CASP8: variants seen among roughly 807,000 people sequenced by gnomAD.
CASP8 encodes the protein caspase-8.
In CASP8, 24 loss-of-function variants were observed where a neutral mutation model predicts 46.3. The ratio of observed to expected loss-of-function variants is 0.52; its 90% CI spans 0.38 to 0.73. CASP8 has a LOEUF of 0.73. Ranked by LOEUF, CASP8 falls within the 30% of genes least tolerant of loss-of-function variation. CASP8 has a pLI of 0.00. For synonymous variants in CASP8, 188 were observed against 200.4 expected (o/e 0.94, Z 0.52); for missense variants, 460 against 559.0 (o/e 0.82, Z 1.79).
intron 2 of CASP8, among the ~76,000 whole-genome samples, chr2:201,243,614 C>T (rs1321514915): frequency 6.6e-6 from 1 of 152,152 alleles, no homozygotes; most frequent in Non-Finnish European, 1.5e-5. Flanking sequence ...ATAAAAATAC[C>T]TACCAGATGC....
chr2:201,246,004 A>AT (rs1478642062), intron 2 of CASP8, among the ~76,000 whole-genome samples: 1 of 151,206 alleles, frequency 6.6e-6, no homozygotes, highest in Non-Finnish European at 1.5e-5. Context: ...AGTAGCTGGG[A>AT]TTACAGGCAT....
chr2:201,252,551 G>A (rs1002179618), intron 2 of CASP8, among the ~76,000 whole-genome samples: 9 of 152,224 alleles, frequency 5.9e-5, no homozygotes, highest in Non-Finnish European at 1.2e-4. Context: ...TTCTTTGTAC[G>A]CTTTTGGGTA....
At chr2:201,280,257 G>A (rs1222928072) in intron 7 of CASP8, among the ~76,000 whole-genome samples, 1 of 152,042 alleles carries the variant, frequency 6.6e-6, no homozygotes, top group Non-Finnish European at 1.5e-5. Flanking sequence ...ATAGAAAATA[G>A]GAGTGAAAGA....
chr2:201,264,432 T>C (rs571524032), intron 1 of CASP8, among the ~76,000 whole-genome samples: 2 of 152,046 alleles, frequency 1.3e-5, no homozygotes, highest in African/African-American at 4.8e-5. Context: ...GGGGTCTTGC[T>C]ACCTGGGGTC....
At chr2:201,271,845 G>T (rs550718664) in intron 3 of CASP8, among the ~76,000 whole-genome samples, 2 of 152,226 alleles carry the variant, frequency 1.3e-5, no homozygotes, top group African/African-American at 4.8e-5. Flanking sequence ...GCCGGGAGAA[G>T]GAGGCTGTGC....
chr2:201,239,134 T>C lies in CASP8; in HGVS notation c.-27+5022T>C, dbSNP rs368132837. 1.2e-4 allele frequency among the ~76,000 whole-genome samples: 19 copies of C among 152,364 alleles called. No homozygotes were observed. The East Asian group carries it at 2.9e-3, about 23-fold the overall frequency. ...CAAGGCAGAAGAATTTTTCTTAGTA[T>C]AGAACAAAATGAAAAGTCTCCCATG... On this transcript the variant is annotated intron_variant, in intron 2 of 6. Transcript: ENST00000264274.
At chr2:201,249,158 G>A (rs1457294346) in intron 2 of CASP8, among the ~76,000 whole-genome samples, 1 of 152,164 alleles carries the variant, frequency 6.6e-6, no homozygotes, top group Non-Finnish European at 1.5e-5. Context: ...CTCCCAAAGT[G>A]CTGGGATTAT....
At position 201,244,455 on chromosome 2, in the gene CASP8, G is replaced by A. The variant is rs915872900; in HGVS notation, c.-27+10343G>A. Among the ~76,000 whole-genome samples the A allele has an allele frequency of 2.6e-5, 4 of 152,060 alleles. No homozygotes were observed. The East Asian group carries it at 7.7e-4, about 29-fold the overall frequency. On this transcript the variant is annotated intron_variant, in intron 2 of 6. Coordinates refer to the CASP8 transcript ENST00000264274. ...TACCCTGGCTCATGGGTTCATAGGCGCTCACGTTGGGGGAATTTTCCCCAA... is the reference window on the plus strand; with the variant it reads ...TACCCTGGCTCATGGGTTCATAGGCACTCACGTTGGGGGAATTTTCCCCAA...
At chr2:201,257,377 G>A (rs1284076816), upstream of CASP8, among the ~76,000 whole-genome samples, 1 of 151,796 alleles carries the variant, frequency 6.6e-6, no homozygotes, top group Non-Finnish European at 1.5e-5. Context: ...AGCTACTCGG[G>A]AGGCTGAGGC....
rs1220364541 is a variant in CASP8 at position 201,266,861 on chromosome 2, C to CT, written c.305+78dup. ...TGGACAGCCTCTGAGCTGATTGGGG[C>CT]TTTTTTTTGTGGTACCCTGCCTAGT... On this transcript the variant is annotated intron_variant, in intron 2 of 8. Coordinates refer to ENST00000673742, the MANE Select transcript of CASP8 (RefSeq NM_001372051.1). The surrounding 1 kb of genome is among the most constrained non-coding windows in gnomAD (Gnocchi z 5.7). 1.0e-4 allele frequency: 124 copies of CT among 1,223,628 alleles called. No individual in the cohort carries two copies. The highest frequency in any genetic ancestry group is 1.2e-4 in the Non-Finnish European group (104 of 868,402). The allele number at this position is 1,223,628 out of a possible 1,614,324, so 75.8% of individuals were successfully genotyped here.
intron 7 of CASP8, among the ~76,000 whole-genome samples, chr2:201,283,293 C>T (rs1949261478): frequency 1.1e-5 from 1 of 87,714 alleles, no homozygotes; most frequent in Non-Finnish European, 2.6e-5. Flanking sequence ...CCCTCCTGGA[C>T]GGGGCGACTG....
intron 2 of CASP8, among the ~76,000 whole-genome samples, chr2:201,234,669 G>A (rs34514628): frequency 2.0e-5 from 3 of 151,724 alleles, no homozygotes; most frequent in Admixed American, 1.3e-4. Context: ...ATGTTGGCCA[G>A]GCTGGTCTCA....
chr2:201,253,402 T>C (rs916895588), intron 2 of CASP8, among the ~76,000 whole-genome samples: 18 of 151,124 alleles, frequency 1.2e-4, no homozygotes, highest in Non-Finnish European at 1.9e-4. Flanking sequence ...TTCTGAGCTT[T>C]CGTTTCTTCA....
intron 2 of CASP8, among the ~76,000 whole-genome samples, chr2:201,245,431 G>A (rs1408017386): frequency 1.3e-5 from 2 of 152,076 alleles, no homozygotes; most frequent in East Asian, 3.9e-4. Context: ...AGTACAGACA[G>A]GGTTTCACCA....
intron 2 of CASP8, among the ~76,000 whole-genome samples, chr2:201,246,340 G>A (rs1946521056): frequency 1.3e-5 from 2 of 152,154 alleles, no homozygotes; most frequent in African/African-American, 2.4e-5. Flanking sequence ...TTGTGTGATT[G>A]TCTGTTGATT....
At chr2:201,238,231 G>C (rs1023103289) in intron 2 of CASP8, among the ~76,000 whole-genome samples, 1 of 152,216 alleles carries the variant, frequency 6.6e-6, no homozygotes, top group Non-Finnish European at 1.5e-5. Context: ...AGGTGACCCA[G>C]AGAAGCCTTG....
rs1949029543 is a variant in CASP8, at chr2:201,281,767, T to C, written c.803-3049T>C. 6.8e-6 allele frequency: 7 copies of C among 1,023,454 alleles called. No homozygotes were observed. The East Asian group carries it at 2.2e-4, about 32-fold the overall frequency. The allele number at this position is 1,023,454 out of a possible 1,614,324, so 63.4% of individuals were successfully genotyped here. ...AAGCCTAAATGATAGCTTACCCATCTTGTAAACTAGTTTACTAGAGAAAAC... is the reference window on the plus strand; with the variant it reads ...AAGCCTAAATGATAGCTTACCCATCCTGTAAACTAGTTTACTAGAGAAAAC... On this transcript the variant is annotated intron_variant, in intron 7 of 8. Coordinates refer to ENST00000673742, the MANE Select transcript of CASP8 (RefSeq NM_001372051.1).
chr2:201,276,280 T>C, intron 6 of CASP8, among the ~76,000 whole-genome samples: 1 of 152,216 alleles, frequency 6.6e-6, no homozygotes, highest in Non-Finnish European at 1.5e-5. Flanking sequence ...GCAGCCACCG[T>C]GGTCCTGAGA....
intron 1 of CASP8, among the ~76,000 whole-genome samples, chr2:201,261,562 G>A (rs929972846): frequency 6.6e-6 from 1 of 152,158 alleles, no homozygotes; most frequent in Non-Finnish European, 1.5e-5. Flanking sequence ...GTTTTGCTGA[G>A]GTTTGGACAC....
Sources: gnomAD v4.1 joint callset for allele counts (sites outside exome capture counted in the v4.1 genomes callset) on GRCh38, gnomAD v4.1.1 for gene constraint, Gnocchi (gnomAD v3.1) non-coding constraint, MANE v1.5 for transcripts, NCBI Gene and HGNC (gene_info 2026-07-23, HGNC 2026-07-21) for gene names.